NELL1: variants seen among roughly 807,000 people sequenced by gnomAD.
NELL1 encodes the protein neural EGFL like 1, also known as protein kinase C-binding protein NELL1.
NELL1 carries 76 observed loss-of-function variants against 107.4 expected under a neutral mutation model. The ratio of observed to expected loss-of-function variants is 0.71; its 90% CI spans 0.59 to 0.86. The LOEUF is 0.86. Ranked by LOEUF, NELL1 falls within the 40% of genes least tolerant of loss-of-function variation. The probability of loss-of-function intolerance (pLI) is 0.00; values close to 1 mark genes in which losing one functional copy is unlikely to be tolerated. For synonymous variants in NELL1, 353 were observed against 341.2 expected, an observed-to-expected ratio of 1.03 and a Z score of -0.38; for missense variants, 1,024 against 1,005.5, an observed-to-expected ratio of 1.02 and a Z score of -0.25.
intron 4 of NELL1, among the ~76,000 whole-genome samples, chr11:20,874,436 G>C (rs942755831): frequency 3.3e-5 from 5 of 152,138 alleles, no homozygotes; most frequent in Admixed American, 1.3e-4. Context: ...TTTACACCTG[G>C]ATTTGAATTT....
chr11:21,440,401 A>G (rs1490614188), intron 15 of NELL1, among the ~76,000 whole-genome samples: 1 of 151,752 alleles, frequency 6.6e-6, no homozygotes, highest in Non-Finnish European at 1.5e-5. Flanking sequence ...TTAGTTAATT[A>G]AAGTATTTAT....
intron 2 of NELL1, among the ~76,000 whole-genome samples, chr11:20,686,375 T>G (rs1166821261): frequency 6.6e-6 from 1 of 152,136 alleles, no homozygotes; most frequent in Non-Finnish European, 1.5e-5. Context: ...AGATTTTTAT[T>G]TTCTTCTTGC....
intron 15 of NELL1, 32 bp from the exon 16 acceptor site, chr11:21,534,342 T>A: frequency 6.2e-7 from 1 of 1,613,220 alleles, no homozygotes; most frequent in South Asian, 1.1e-5. Context: ...GAAATTAATA[T>A]CCTGGTGGGC....
chr11:21,231,927 T>G (rs563650655), intron 14 of NELL1, among the ~76,000 whole-genome samples: 1 of 152,202 alleles, frequency 6.6e-6, no homozygotes, highest in African/African-American at 2.4e-5. Flanking sequence ...GCTTGTACTC[T>G]TCACACCTTC....
At chr11:20,988,469 A>G (rs1356094381) in intron 12 of NELL1, among the ~76,000 whole-genome samples, 2 of 150,978 alleles carry the variant, frequency 1.3e-5, no homozygotes, top group East Asian at 1.9e-4. Context: ...ATATGTGTGT[A>G]TATATATCTA....
At chr11:20,780,511 A>G (rs1170461970) in intron 2 of NELL1, among the ~76,000 whole-genome samples, 1 of 152,254 alleles carries the variant, frequency 6.6e-6, no homozygotes, top group Non-Finnish European at 1.5e-5. Flanking sequence ...GGATAAAACA[A>G]TGGATAAATA....
intron 12 of NELL1, among the ~76,000 whole-genome samples, chr11:21,101,928 G>T (rs1038649735): frequency 6.6e-6 from 1 of 152,106 alleles, no homozygotes; most frequent in African/African-American, 2.4e-5. Context: ...CAGAGCAGTG[G>T]CGTGATCTTG....
At chr11:21,419,357 T>A (rs969731597) in intron 15 of NELL1, among the ~76,000 whole-genome samples, 17 of 152,138 alleles carry the variant, frequency 1.1e-4, no homozygotes, top group Non-Finnish European at 2.1e-4. Context: ...ATCAACTGTT[T>A]CCTCATCAGT....
At chr11:21,162,243 C>T (rs1399170384) in intron 13 of NELL1, among the ~76,000 whole-genome samples, 3 of 152,032 alleles carry the variant, frequency 2.0e-5, no homozygotes, top group Non-Finnish European at 4.4e-5. Flanking sequence ...GCCACTGCGC[C>T]CGGCCTGGGA....
intron 5 of NELL1, among the ~76,000 whole-genome samples, chr11:20,913,677 A>G (rs1850183007): frequency 6.6e-6 from 1 of 151,998 alleles, no homozygotes; most frequent in Non-Finnish European, 1.5e-5. Context: ...CAAAAGGAAA[A>G]AAAATCCATT....
intron 12 of NELL1, among the ~76,000 whole-genome samples, chr11:21,070,300 A>T (rs867385027): frequency 6.6e-6 from 1 of 152,182 alleles, no homozygotes; most frequent in African/African-American, 2.4e-5. Flanking sequence ...AGAAAATTTC[A>T]GGAGTTAAAC....
At chr11:20,921,326 A>T (rs190564582) in intron 7 of NELL1, among the ~76,000 whole-genome samples, 9 of 152,260 alleles carry the variant, frequency 5.9e-5, no homozygotes, top group Middle Eastern at 6.8e-3. Flanking sequence ...AAGCTTTTAT[A>T]TCCCCTGTCA....
chr11:21,460,944 A>G (rs181004663), intron 15 of NELL1, among the ~76,000 whole-genome samples: 1 of 152,266 alleles, frequency 6.6e-6, no homozygotes, highest in Admixed American at 6.6e-5. Flanking sequence ...CTACAGGAAG[A>G]ATTATTGACA....
At chr11:21,193,541 T>C (rs1471650530) in intron 13 of NELL1, among the ~76,000 whole-genome samples, 1 of 151,980 alleles carries the variant, frequency 6.6e-6, no homozygotes, top group South Asian at 2.1e-4. Flanking sequence ...CATCAGGCAA[T>C]AAAGAAGCTT....
intron 13 of NELL1, among the ~76,000 whole-genome samples, chr11:21,119,542 G>C (rs1483628417): frequency 2.0e-5 from 3 of 152,058 alleles, no homozygotes; most frequent in Admixed American, 6.6e-5. Flanking sequence ...TATATATGGA[G>C]CTCTGTACTT....
intron 13 of NELL1, among the ~76,000 whole-genome samples, chr11:21,137,743 T>G (rs2133767144): frequency 6.6e-6 from 1 of 152,288 alleles, no homozygotes; most frequent in South Asian, 2.1e-4. Context: ...AGGAGCTGGC[T>G]TTGTGGAAGA....
intron 15 of NELL1, among the ~76,000 whole-genome samples, chr11:21,397,266 T>C (rs2133791542): frequency 6.6e-6 from 1 of 151,748 alleles, no homozygotes; most frequent in Non-Finnish European, 1.5e-5. Context: ...TATTAATATA[T>C]AACATGTGAA....
In NELL1 at chr11:21,559,215, A is replaced by G. The variant is rs550495874; in HGVS notation, c.1787-974A>G. On this transcript the variant is annotated intron_variant, in intron 16 of 19. Transcript: ENST00000357134. ...TAGCAGGTAAACCAAAACCAAGTAGACTAGTAGACACTTATTCAATGGCCT... is the reference window on the plus strand; with the variant it reads ...TAGCAGGTAAACCAAAACCAAGTAGGCTAGTAGACACTTATTCAATGGCCT... Among the ~76,000 whole-genome samples, 32 of 152,260 alleles carry G rather than the reference A, an allele frequency of 2.1e-4. No homozygotes were observed. The East Asian group carries it at 6.0e-3, about 29-fold the overall frequency.
intron 3 of NELL1, among the ~76,000 whole-genome samples, chr11:20,813,509 C>G (rs1453349258): frequency 6.6e-6 from 1 of 152,098 alleles, no homozygotes; most frequent in African/African-American, 2.4e-5. Flanking sequence ...TCTTTTAGTT[C>G]TGCTCCGATT....
Sources: gnomAD v4.1 joint callset for allele counts (sites outside exome capture counted in the v4.1 genomes callset) on GRCh38, gnomAD v4.1.1 for gene constraint, MANE v1.5 for transcripts, NCBI Gene and HGNC (gene_info 2026-07-23, HGNC 2026-07-21) for gene names.